The following FAM227B variants were observed in gnomAD, a reference collection of about 807,000 sequenced individuals.
FAM227B encodes the protein family with sequence similarity 227 member B, also known as protein FAM227B.
Under a neutral mutation model 73.8 loss-of-function variants are expected in FAM227B, and 88 were observed. The observed-to-expected ratio is 1.19, with a 90% confidence interval of 1.00 to 1.42. The LOEUF is 1.42. FAM227B is among the 40% of genes most tolerant of loss of function. FAM227B has a pLI of 0.00. For synonymous variants in FAM227B, 210 were observed against 190.5 expected (o/e 1.10, Z -0.84); for missense variants, 632 against 590.9 (o/e 1.07, Z -0.72).
chr15:49,345,903 T>C lies in FAM227B; in HGVS notation c.1272-10407A>G, dbSNP rs187423101. 1.1e-4 allele frequency among the ~76,000 whole-genome samples: 17 copies of C among 152,294 alleles called. No individual in the cohort carries two copies. In the East Asian group the frequency reaches 2.5e-3, roughly 22 times the overall value. The stretch of plus-strand genomic sequence containing the variant: ...AGTGAAGTACCTTGCCTTTGAGAGA[T>C]TGAGTGTGTGTGAGAGACTCAGGAA... On this transcript the variant is annotated intron_variant, in intron 13 of 15. Transcript: ENST00000299338.
At chr15:49,521,146 T>C (rs17480434) in intron 10 of FAM227B, among the ~76,000 whole-genome samples, 27,877 of 152,162 alleles carry the variant, frequency 0.18, 3,174 homozygotes, top group Non-Finnish European at 0.25. Context: ...TATGGGACAC[T>C]GTCTCATCCA....
intron 11 of FAM227B, among the ~76,000 whole-genome samples, chr15:49,478,282 C>A (rs1400510612): frequency 6.6e-6 from 1 of 151,828 alleles, no homozygotes; most frequent in South Asian, 2.1e-4. Flanking sequence ...TGCTTATTTG[C>A]CCTTTGTGTA....
intron 11 of FAM227B, among the ~76,000 whole-genome samples, chr15:49,402,537 G>T (rs554749236): frequency 1.3e-4 from 20 of 151,994 alleles, no homozygotes; most frequent in Non-Finnish European, 2.2e-4. Context: ...TTTTATTGTA[G>T]CAATTGTGAG....
chr15:49,595,317 A>C (rs1364290223), intron 3 of FAM227B, among the ~76,000 whole-genome samples: 2 of 152,024 alleles, frequency 1.3e-5, no homozygotes, highest in East Asian at 3.8e-4. Flanking sequence ...CTTTACTGAA[A>C]TCATTTATCA....
chr15:49,597,974 G>C (rs1046197397), intron 3 of FAM227B, among the ~76,000 whole-genome samples: 1 of 151,712 alleles, frequency 6.6e-6, no homozygotes, highest in Non-Finnish European at 1.5e-5. Context: ...TATTGAAATG[G>C]TAATAAATAA....
chr15:49,614,967 T>C (rs1051146524), intron 2 of FAM227B, 154 bp downstream of exon 2: 3 of 699,522 alleles, frequency 4.3e-6, no homozygotes, highest in African/African-American at 1.8e-5. Context: ...CTCATCTCAG[T>C]GATTGGCCAT....
At chr15:49,534,969 C>T (rs184321797) in intron 10 of FAM227B, among the ~76,000 whole-genome samples, 19 of 151,188 alleles carry the variant, frequency 1.3e-4, no homozygotes, top group Admixed American at 2.0e-4. Flanking sequence ...TGTATAGCAA[C>T]GAATGCCTAT....
intron 11 of FAM227B, among the ~76,000 whole-genome samples, chr15:49,435,602 G>C (rs923600549): frequency 8.6e-5 from 13 of 151,650 alleles, no homozygotes; most frequent in East Asian, 5.9e-4. Flanking sequence ...AGTGCTTTCA[G>C]CTTTGAAAAG....
intron 13 of FAM227B, among the ~76,000 whole-genome samples, chr15:49,357,159 A>G (rs2043297006): frequency 6.7e-6 from 1 of 150,168 alleles, no homozygotes. Context: ...ACACCCTAAC[A>G]TCACAATTAA....
chr15:49,452,435 A>G (rs1251531574), intron 11 of FAM227B, among the ~76,000 whole-genome samples: 1 of 152,192 alleles, frequency 6.6e-6, no homozygotes, highest in African/African-American at 2.4e-5. Context: ...ATCTATTTCT[A>G]TACTTGCTAT....
rs1397396692 is a variant in FAM227B at position 49,568,303 on chromosome 15, T to C, written c.689A>G (p.Glu230Gly). The change falls in exon 9 of 16, where the codon GAA (glutamate) becomes GGA (glycine). Residue 230 changes from glutamate to glycine, a missense_variant. Glu to Gly is a moderately conservative substitution (Grantham distance 98). Coordinates refer to ENST00000299338, the MANE Select transcript of FAM227B (RefSeq NM_152647.3). ...GCTCATGAAAAGTGTCACATAACTT[T>C]CTGAAATTCTATCGAATAAGCAATC... ...NQDCLFDRIS[E>G]SYVTLFMSIP... The C allele has an allele frequency of 2.5e-6, 4 of 1,611,342 alleles. No individual in the cohort carries two copies. The highest frequency in any genetic ancestry group is 2.5e-6 in the Non-Finnish European group (3 of 1,178,838).
intron 11 of FAM227B, among the ~76,000 whole-genome samples, chr15:49,404,848 T>TTA (rs886673419): frequency 7.3e-5 from 11 of 151,574 alleles, no homozygotes; most frequent in African/African-American, 2.7e-4. Context: ...TGTGGTTGTT[T>TTA]TATAGTGTCA....
chr15:49,528,009 A>G (rs1415935633), intron 10 of FAM227B, among the ~76,000 whole-genome samples: 3 of 151,880 alleles, frequency 2.0e-5, no homozygotes, highest in Non-Finnish European at 4.4e-5. Flanking sequence ...AAACAACCCT[A>G]AAATTAATAT....
chr15:49,333,293 C>G (rs1051929593), intron 14 of FAM227B, among the ~76,000 whole-genome samples: 2 of 152,128 alleles, frequency 1.3e-5, no homozygotes, highest in African/African-American at 4.8e-5. Flanking sequence ...ATGAGTATCT[C>G]TTTTGAAGAT....
intron 3 of FAM227B, among the ~76,000 whole-genome samples, chr15:49,608,347 T>C (rs1398885132): frequency 6.6e-6 from 1 of 152,140 alleles, no homozygotes; most frequent in African/African-American, 2.4e-5. Flanking sequence ...AATTATTATA[T>C]GCTAATATAA....
At chr15:49,409,295 C>T (rs971483973) in intron 11 of FAM227B, among the ~76,000 whole-genome samples, 1 of 152,052 alleles carries the variant, frequency 6.6e-6, no homozygotes, top group Non-Finnish European at 1.5e-5. Context: ...CTCCCCACCC[C>T]CTTTATGAAA....
chr15:49,535,186 T>C (rs1196356761), intron 10 of FAM227B, among the ~76,000 whole-genome samples: 2 of 151,508 alleles, frequency 1.3e-5, no homozygotes, highest in Non-Finnish European at 3.0e-5. Context: ...AACCTTTAGC[T>C]AGACTAAAAA....
chr15:49,480,689 G>T (rs2055864366), intron 11 of FAM227B, among the ~76,000 whole-genome samples: 1 of 152,130 alleles, frequency 6.6e-6, no homozygotes, highest in Middle Eastern at 3.4e-3. Context: ...CGCCATGTTG[G>T]CCAGGTTAGT....
intron 5 of FAM227B, among the ~76,000 whole-genome samples, chr15:49,583,684 A>G (rs572388945): frequency 2.6e-5 from 4 of 151,876 alleles, no homozygotes; most frequent in Admixed American, 1.3e-4. Flanking sequence ...TATGGGGGAT[A>G]TCACCTCTGA....
Sources: gnomAD v4.1 joint callset for allele counts (sites outside exome capture counted in the v4.1 genomes callset) on GRCh38, gnomAD v4.1.1 for gene constraint, MANE v1.5 for transcripts, NCBI Gene and HGNC (gene_info 2026-07-23, HGNC 2026-07-21) for gene names.